The following MTMR10 variants were observed in gnomAD, a reference collection of about 807,000 sequenced individuals.
MTMR10 encodes myotubularin-related protein 10.
MTMR10 carries 56 observed loss-of-function variants against 88.1 expected under a neutral mutation model. That is an observed-to-expected ratio of 0.64 (90% CI 0.51 to 0.79). MTMR10 has a LOEUF of 0.79. Ranked by LOEUF, MTMR10 falls within the 30% of genes least tolerant of loss-of-function variation. The pLI is 0.00. For missense variants in MTMR10, 883 were observed against 924.7 expected, an observed-to-expected ratio of 0.95 and a Z score of 0.58; for synonymous variants, 380 against 340.9, an observed-to-expected ratio of 1.11 and a Z score of -1.26.
the MTMR10 span, chr15:30,928,315 T>A: frequency 7.7e-7 from 1 of 1,295,320 alleles, no homozygotes; most frequent in Non-Finnish European, 9.8e-7. Flanking sequence ...AATGTTCATT[T>A]GAATTTTTCT....
rs1202068406 is a variant in MTMR10, at chr15:30,970,451, A to G, written c.475-2441T>C. 2.0e-5 allele frequency among the ~76,000 whole-genome samples: 3 copies of G among 152,146 alleles called. No homozygotes were observed. The East Asian group carries it at 5.8e-4, about 29-fold the overall frequency. On this transcript the variant is annotated intron_variant, in intron 5 of 15. Coordinates refer to ENST00000435680, the MANE Select transcript of MTMR10 (RefSeq NM_017762.3). Reference sequence around the variant, plus strand: ...AAGACCTCTCTGCACAGACTTGAGTAAAGATCTGAAGATGTCTGCACTTTG... The same window carrying G: ...AAGACCTCTCTGCACAGACTTGAGTGAAGATCTGAAGATGTCTGCACTTTG...
chr15:30,974,496 C>A, intron 4 of MTMR10, 40 bp from the exon 5 acceptor site: 1 of 1,456,504 alleles, frequency 6.9e-7, no homozygotes, highest in Non-Finnish European at 9.1e-7. Context: ...AAATGCGTAA[C>A]AGTTATTTGT....
chr15:30,981,547 A>G lies in MTMR10; in HGVS notation c.122-4592T>C, dbSNP rs565166559. 9.2e-5 allele frequency among the ~76,000 whole-genome samples: 14 copies of G among 152,392 alleles called. No individual in the cohort carries two copies. The South Asian group carries it at 1.4e-3, about 16-fold the overall frequency. ...AGGCATACTACAAGACACTACCTGA[A>G]TAATAATCTTCCAAAGCGTCAAGGT... On this transcript the variant is annotated intron_variant, in intron 2 of 15. Coordinates refer to ENST00000435680, the MANE Select transcript of MTMR10 (RefSeq NM_017762.3).
intron 14 of MTMR10, among the ~76,000 whole-genome samples, chr15:30,944,786 G>A (rs144246831): frequency 0.012 from 1,870 of 151,932 alleles, 33 homozygotes; most frequent in African/African-American, 0.042. Context: ...TGAGGTGGGC[G>A]GATTGCTTGA....
At position 30,960,980 on chromosome 15, in the gene MTMR10, A is replaced by C. The variant is rs761649193; in HGVS notation, c.659T>G (p.Leu220Arg). The change falls in exon 7 of 16, where the codon CTC becomes CGC. Residue 220 changes from leucine to arginine, a missense_variant. Physicochemically the swap from Leu to Arg is moderately radical, Grantham distance 102. Coordinates refer to ENST00000435680, the MANE Select transcript of MTMR10 (RefSeq NM_017762.3). Reference sequence around the variant, plus strand: ...GTCCCAATCCGAGTAAGTTTCAAAGAGTGGAGTTTTCTGGCTGCTGCCACC... The same window carrying C: ...GTCCCAATCCGAGTAAGTTTCAAAGCGTGGAGTTTTCTGGCTGCTGCCACC... ...AGGGSSQKTP[L>R]FETYSDWDRE... 4 of 1,600,348 alleles carry C rather than the reference A, an allele frequency of 2.5e-6. No homozygotes were observed. The South Asian group carries it at 4.5e-5, about 18-fold the overall frequency.
In MTMR10 at chr15:30,941,568, T is replaced by G; in HGVS notation, c.2236A>C (p.Asn746His). The change falls in exon 16 of 16, where the codon AAT becomes CAT. Residue 746 changes from asparagine to histidine, a missense_variant. By Grantham distance (68) the Asn-to-His change is moderately conservative (BLOSUM62 1). Around this residue, in one of 3 missense-constraint regions of MTMR10, gnomAD observed 343 missense variants for 323.2 expected, o/e 1.06. Transcript: ENST00000435680. ...CCTAAAATGCTTCGTCTGCACAGAT[T>G]CCCTACAGGAGAAAATGGAAATGAG... ...SSSFPFSPVG[N>H]LCRRSILGTP... is the part of the protein sequence containing the mutation. 6.2e-7 allele frequency: 1 copy of G among 1,601,510 alleles called. No individual in the cohort carries two copies. Among genetic ancestry groups the G allele is most frequent in the African/African-American group, 1.3e-5 (1 of 74,828 alleles).
the MTMR10 span, chr15:30,927,273 GT>G: frequency 1.0e-6 from 1 of 985,534 alleles, no homozygotes; most frequent in East Asian, 1.1e-4. Flanking sequence ...GATCGTCAGT[GT>G]ATTCACCAGG....
chr15:30,936,241 G>GGATA (rs2062850041), downstream of MTMR10, among the ~76,000 whole-genome samples: 1 of 152,124 alleles, frequency 6.6e-6, no homozygotes, highest in Non-Finnish European at 1.5e-5. Context: ...TGCATAGGGA[G>GGATA]GATATACTTA....
At chr15:30,966,783 T>C (rs1227216493) in intron 6 of MTMR10, among the ~76,000 whole-genome samples, 1 of 152,010 alleles carries the variant, frequency 6.6e-6, no homozygotes, top group Non-Finnish European at 1.5e-5. Flanking sequence ...TTATACAATT[T>C]CTATAAATAT....
In MTMR10 at chr15:30,954,766, T is replaced by G. The variant is rs1196542138; in HGVS notation, c.1063A>C (p.Asn355His). The G allele has an allele frequency of 6.3e-7, 1 of 1,595,594 alleles. No individual in the cohort carries two copies. The highest frequency in any genetic ancestry group is 1.1e-5 in the South Asian group (1 of 87,176). ...TATGAAATAAGAATGAAATTACCATTAACGCATAGCTGCTTCAGTTTTACA... is the reference window on the plus strand; with the variant it reads ...TATGAAATAAGAATGAAATTACCATGAACGCATAGCTGCTTCAGTTTTACA... ...AFVKLKQLCV[N>H]EPFEETEEKW... The change falls in exon 10 of 16, where the codon AAT (asparagine) becomes CAT (histidine). Residue 355 changes from asparagine (N) to histidine (H), a missense_variant. Coordinates refer to ENST00000435680, the MANE Select transcript of MTMR10 (RefSeq NM_017762.3).
intron 3 of MTMR10, 31 bp from the exon 4 acceptor site, chr15:30,975,034 C>T (rs1197144211): frequency 1.4e-6 from 2 of 1,431,894 alleles, no homozygotes; most frequent in East Asian, 2.5e-5. Context: ...CATATTAATT[C>T]TTTTCCCAAT....
At chr15:30,923,069 C>T in the MTMR10 span, among the ~76,000 whole-genome samples, 2 of 152,212 alleles carry the variant, frequency 1.3e-5, no homozygotes, top group African/African-American at 4.8e-5. Flanking sequence ...GGGACTGTGC[C>T]TCTGGGAGCT....
At chr15:30,949,072 A>T (rs1399050693) in intron 12 of MTMR10, 1 of 152,450 alleles carries the variant, frequency 6.6e-6, no homozygotes, top group Non-Finnish European at 1.5e-5. Context: ...AAGTTGGTTT[A>T]ACATCTGTCA....
rs547134768 is a variant in MTMR10, at chr15:30,940,038, TAC to T, written c.*1430_*1431del. 166 of 978,300 alleles carry T rather than the reference TAC, an allele frequency of 1.7e-4. No homozygotes were observed. The highest frequency in any genetic ancestry group is 1.9e-4 in the Non-Finnish European group (154 of 823,598). 60.6% of individuals were successfully genotyped at this position (978,300 alleles called of 1,614,324 possible). A position where few individuals can be genotyped will look rare whatever the true frequency, so the allele number is the denominator to read the frequency against. ...CTATTCAGTACATATAAAGGTAAAA[TAC>T]AGTTATCTTGAAAACACTTGTTTTA... is the stretch of plus-strand genomic sequence containing the variant. On this transcript the variant is annotated 3_prime_UTR_variant, in exon 16 of 16. Coordinates refer to ENST00000435680, the MANE Select transcript of MTMR10 (RefSeq NM_017762.3).
Position 30,991,568 on chromosome 15 carries a change from G to A in MTMR10, c.-62C>T. 1 of 1,516,644 alleles carries A rather than the reference G, an allele frequency of 6.6e-7. No homozygotes were observed. The highest frequency in any genetic ancestry group is 2.5e-5 in the Admixed American group (1 of 39,236). 93.9% of individuals were successfully genotyped at this position (1,516,644 alleles called of 1,614,324 possible). A position where few individuals can be genotyped will look rare whatever the true frequency, so the allele number is the denominator to read the frequency against. On this transcript the variant is annotated 5_prime_UTR_variant, in exon 1 of 16. Transcript: ENST00000435680. ...CCAGTGGCAGCGCCGACGCCTCCGG[G>A]CGTAAAGCTCTCAGTGCGGCCGCCC...
At chr15:30,981,320 C>T (rs1013530670) in intron 2 of MTMR10, among the ~76,000 whole-genome samples, 4 of 152,260 alleles carry the variant, frequency 2.6e-5, no homozygotes, top group African/African-American at 9.6e-5. Flanking sequence ...AAAGGAAAAA[C>T]AGTCACTTTC....
chr15:30,967,436 A>G (rs1222891933), intron 6 of MTMR10, among the ~76,000 whole-genome samples: 1 of 152,190 alleles, frequency 6.6e-6, no homozygotes, highest in African/African-American at 2.4e-5. Flanking sequence ...TCTTCCTTTC[A>G]TCAGTATTAC....
the MTMR10 span, among the ~76,000 whole-genome samples, chr15:30,924,482 C>T: frequency 1.3e-5 from 2 of 152,208 alleles, no homozygotes; most frequent in Admixed American, 1.3e-4. Context: ...TTCTCTACCT[C>T]CTTGTCAATG....
At chr15:30,953,146 T>G (rs1230341352) in intron 11 of MTMR10, among the ~76,000 whole-genome samples, 1 of 151,678 alleles carries the variant, frequency 6.6e-6, no homozygotes, top group Non-Finnish European at 1.5e-5. Flanking sequence ...AAGGAAGGGG[T>G]TGACTTATGA....
Sources: gnomAD v4.1 joint callset for allele counts (sites outside exome capture counted in the v4.1 genomes callset) on GRCh38, gnomAD v4.1.1 for gene constraint, gnomAD v4.1.1 regional missense constraint, MANE v1.5 for transcripts, NCBI Gene and HGNC (gene_info 2026-07-23, HGNC 2026-07-21) for gene names.